Variants in RBFOX1 observed in about 807,000 individuals in gnomAD.
RBFOX1 encodes the protein RNA binding protein fox-1 homolog 1.
A neutral mutation model predicts 57.7 loss-of-function variants in RBFOX1; 8 were observed. The observed-to-expected ratio is 0.14, with a 90% CI of 0.08 to 0.25. The LOEUF (loss-of-function observed/expected upper bound fraction) is 0.25, where lower values mean the gene tolerates loss of function less well. RBFOX1 is among the 10% of genes least tolerant of loss of function. The pLI is 1.00. For missense variants in RBFOX1, 611 were observed against 548.5 expected, an observed-to-expected ratio of 1.11 and a Z score of -1.14; for synonymous variants, 326 against 222.4, an observed-to-expected ratio of 1.47 and a Z score of -4.15.
In RBFOX1 at chr16:7,366,781, T is replaced by A. The variant is rs185165838; in HGVS notation, c.28-151366T>A. Among the ~76,000 whole-genome samples the A allele has an allele frequency of 5.9e-4, 89 of 152,112 alleles. 1 individual carries two copies. The highest frequency in any genetic ancestry group is 7.4e-5 in the Non-Finnish European group (5 of 68,002). ...AAGCAGAGAAAAACACATAAAGGGA[T>A]TAAAGATCAAAAATGGGATTCCAGT... is the stretch of plus-strand genomic sequence containing the variant. On this transcript the variant is annotated intron_variant, in intron 4 of 15. Transcript: ENST00000550418.
chr16:5,244,961 C>G, intron 1 of RBFOX1, among the ~76,000 whole-genome samples: 1 of 152,222 alleles, frequency 6.6e-6, no homozygotes, highest in East Asian at 1.9e-4. Flanking sequence ...GAACATTTAA[C>G]CGCAGGGCTG....
intron 11 of RBFOX1, among the ~76,000 whole-genome samples, chr16:7,648,204 T>G (rs1046599999): frequency 4.6e-5 from 7 of 152,124 alleles, no homozygotes; most frequent in Non-Finnish European, 7.4e-5. Flanking sequence ...AACCAACAAT[T>G]GAGGAAAAAA....
At chr16:5,985,537 T>G (rs189903307) in intron 4 of RBFOX1, among the ~76,000 whole-genome samples, 58 of 152,266 alleles carry the variant, frequency 3.8e-4, no homozygotes, top group African/African-American at 4.6e-4. Flanking sequence ...TTTGCACCCA[T>G]CTAATAGCAG....
intron 3 of RBFOX1, among the ~76,000 whole-genome samples, chr16:6,707,478 G>GGTT (rs1555714672): frequency 7.8e-6 from 1 of 128,310 alleles, no homozygotes; most frequent in Non-Finnish European, 1.6e-5. Flanking sequence ...TCCCATTTTT[G>GGTT]TTTTTTTTTT....
chr16:7,047,538 T>C lies in RBFOX1; in HGVS notation c.-15-4519T>C, dbSNP rs138718168. On this transcript the variant is annotated intron_variant, in intron 3 of 15. Coordinates refer to ENST00000550418, the MANE Select transcript of RBFOX1 (RefSeq NM_018723.4). ...GTGATATATGTGGTTGTGGATTTCG[T>C]TGATTTTAACTCTTTTAGTTCCTTG... is the stretch of plus-strand genomic sequence containing the variant. Among the ~76,000 whole-genome samples, 15 of 152,196 alleles carry C rather than the reference T, an allele frequency of 9.9e-5. No individual in the cohort carries two copies. In the East Asian group the frequency reaches 2.9e-3, roughly 29 times the overall value.
chr16:5,751,375 A>G lies in RBFOX1; in HGVS notation c.319-115928A>G, dbSNP rs543452269. 8.0e-4 allele frequency among the ~76,000 whole-genome samples: 122 copies of G among 152,264 alleles called. 1 individual carries two copies. Among genetic ancestry groups the G allele is most frequent in the African/African-American group, 2.8e-3 (115 of 41,542 alleles). ...TTTCTTTTTCTCTCGGGGAGCTTTC[A>G]TACTGATTACGTCTCTTGACATCTC... On this transcript the variant is annotated intron_variant, in intron 3 of 19. Coordinates refer to the RBFOX1 transcript ENST00000641259.
chr16:6,844,307 A>G (rs1026599419), intron 3 of RBFOX1, among the ~76,000 whole-genome samples: 2 of 152,036 alleles, frequency 1.3e-5, no homozygotes, highest in Non-Finnish European at 2.9e-5. Context: ...TCACCTAGGT[A>G]TTAAATCTGG....
intron 3 of RBFOX1, among the ~76,000 whole-genome samples, chr16:6,810,042 C>G (rs1052700514): frequency 9.7e-6 from 1 of 102,674 alleles, no homozygotes. Context: ...TTTTTTTTTT[C>G]TGTTAATAAG....
intron 1 of RBFOX1, among the ~76,000 whole-genome samples, chr16:6,031,198 G>A (rs1272016563): frequency 1.3e-5 from 2 of 152,176 alleles, no homozygotes; most frequent in African/African-American, 4.8e-5. Flanking sequence ...GCTGTGACCA[G>A]TGGGGAGAAG....
chr16:7,645,049 C>G (rs1006617632), intron 11 of RBFOX1, among the ~76,000 whole-genome samples: 1 of 152,156 alleles, frequency 6.6e-6, no homozygotes, highest in Admixed American at 6.5e-5. Flanking sequence ...AGATTTAGAT[C>G]AATATATTCA....
chr16:5,347,673 C>G (rs1216511649), intron 1 of RBFOX1, among the ~76,000 whole-genome samples: 2 of 147,258 alleles, frequency 1.4e-5, no homozygotes, highest in Non-Finnish European at 3.0e-5. Context: ...CCCACCCTTT[C>G]ACTCAATCAT....
Position 6,091,028 on chromosome 16 carries a change from T to A in RBFOX1, c.-127+71036T>A, listed in dbSNP as rs541731784. Among the ~76,000 whole-genome samples, 3 of 152,378 alleles carry A rather than the reference T, an allele frequency of 2.0e-5. No individual in the cohort carries two copies. In the South Asian group the frequency reaches 6.2e-4, roughly 32 times the overall value. ...AGGGTATTTAAGATATTCATCGCTT[T>A]GAACATTGATCAATTCTTTCTGTTG... On this transcript the variant is annotated intron_variant, in intron 1 of 15. Transcript: ENST00000550418.
chr16:5,893,633 C>A (rs140243763), intron 4 of RBFOX1, among the ~76,000 whole-genome samples: 59 of 152,106 alleles, frequency 3.9e-4, no homozygotes, highest in African/African-American at 1.4e-3. Context: ...GTGGCAAAAC[C>A]CCGTCTCCAC....
intron 4 of RBFOX1, among the ~76,000 whole-genome samples, chr16:7,460,385 A>G (rs1362256803): frequency 2.4e-5 from 2 of 82,534 alleles, no homozygotes; most frequent in East Asian, 8.5e-4. Flanking sequence ...ATATATATAT[A>G]TATATGTGTG....
At chr16:7,254,136 C>A (rs149114183) in intron 4 of RBFOX1, among the ~76,000 whole-genome samples, 8 of 152,160 alleles carry the variant, frequency 5.3e-5, no homozygotes, top group Non-Finnish European at 7.4e-5. Flanking sequence ...ACCCTGTGAC[C>A]CCCTTGTTTG....
At chr16:6,339,958 T>A (rs1313918651) in intron 2 of RBFOX1, among the ~76,000 whole-genome samples, 1 of 152,150 alleles carries the variant, frequency 6.6e-6, no homozygotes. Context: ...ATTACAGGCA[T>A]GAGCCACCGT....
rs543812866 is a variant in RBFOX1 at position 6,892,242 on chromosome 16, A to G, written c.-15-159815A>G. On this transcript the variant is annotated intron_variant, in intron 3 of 15. Coordinates refer to ENST00000550418, the MANE Select transcript of RBFOX1 (RefSeq NM_018723.4). ...CCCCAGAGCTCCTTCAATTCTTCAC[A>G]TTTTTGACAGTAACACTTTGTAACG... 9.2e-5 allele frequency among the ~76,000 whole-genome samples: 14 copies of G among 152,206 alleles called. No individual in the cohort carries two copies. The East Asian group carries it at 2.7e-3, about 29-fold the overall frequency.
intron 1 of RBFOX1, among the ~76,000 whole-genome samples, chr16:6,161,006 C>A (rs2096874472): frequency 6.6e-6 from 1 of 152,208 alleles, no homozygotes; most frequent in Non-Finnish European, 1.5e-5. Context: ...AATGCGAGCT[C>A]CATGAGCACA....
In RBFOX1 at chr16:5,500,309, A is replaced by G. The variant is rs377225220; in HGVS notation, c.258+33055A>G. ...ACAATAATGGCTCACTGCAGCCTCAACCTGCTGAATTCAAGTGATCCTCCC... is the reference window on the plus strand; with the variant it reads ...ACAATAATGGCTCACTGCAGCCTCAGCCTGCTGAATTCAAGTGATCCTCCC... On this transcript the variant is annotated intron_variant, in intron 2 of 2. Coordinates refer to the RBFOX1 transcript ENST00000585867. Among the ~76,000 whole-genome samples the G allele has an allele frequency of 2.2e-4, 34 of 151,652 alleles. 1 individual carries two copies. In the East Asian group the frequency reaches 5.5e-3, roughly 24 times the overall value.
Sources: allele counts gnomAD v4.1 joint callset (sites outside exome capture counted in the v4.1 genomes callset), GRCh38; gene constraint gnomAD v4.1.1; transcripts MANE v1.5; gene names NCBI Gene and HGNC (gene_info 2026-07-23, HGNC 2026-07-21).